The following OPCML variants were observed in gnomAD, a reference collection of about 807,000 sequenced individuals.
The protein encoded by OPCML is opioid-binding protein/cell adhesion molecule.
Under a neutral mutation model 37.8 loss-of-function variants are expected in OPCML, and 13 were observed. That is an observed-to-expected ratio of 0.34 (90% CI 0.22 to 0.55). OPCML has a LOEUF of 0.55. OPCML is among the 20% of genes least tolerant of loss of function. The pLI is 0.91. For synonymous variants in OPCML, 176 were observed against 168.8 expected, an observed-to-expected ratio of 1.04 and a Z score of -0.33; for missense variants, 341 against 435.6, an observed-to-expected ratio of 0.78 and a Z score of 1.93.
chr11:133,072,502 T>C (rs1424682664), intron 1 of OPCML, among the ~76,000 whole-genome samples: 3 of 152,354 alleles, frequency 2.0e-5, no homozygotes, highest in Admixed American at 6.5e-5. Flanking sequence ...GACTCATACA[T>C]GTGGGATAAC....
rs149843426 is a variant in OPCML at position 133,457,136 on chromosome 11, T to C, written c.61+75128A>G. On this transcript the variant is annotated intron_variant, in intron 1 of 7. Transcript: ENST00000524381. The stretch of plus-strand genomic sequence containing the variant: ...AGGAAAGTGACGTGTCATGTACAAG[T>C]GATCCAGGACAGACTATAAGTGGAT... Among the ~76,000 whole-genome samples, 362 of 152,314 alleles carry C rather than the reference T, an allele frequency of 2.4e-3. 2 individuals carry two copies. Among genetic ancestry groups the C allele is most frequent in the African/African-American group, 8.2e-3 (343 of 41,584 alleles).
intron 2 of OPCML, among the ~76,000 whole-genome samples, chr11:132,843,762 G>A (rs1394486820): frequency 1.3e-5 from 2 of 152,240 alleles, no homozygotes; most frequent in Non-Finnish European, 2.9e-5. Flanking sequence ...GCGAAGGACA[G>A]GCGAATGCTG....
At chr11:133,440,245 A>G (rs1396272347) in intron 1 of OPCML, among the ~76,000 whole-genome samples, 2 of 151,954 alleles carry the variant, frequency 1.3e-5, no homozygotes, top group East Asian at 3.9e-4. Context: ...TTAAAAATAC[A>G]AAAATTAACC....
chr11:132,956,179 C>T (rs979900104), intron 1 of OPCML, among the ~76,000 whole-genome samples: 1 of 152,074 alleles, frequency 6.6e-6, no homozygotes, highest in Non-Finnish European at 1.5e-5. Context: ...TAGAGTGATT[C>T]AGTTTGTTTT....
intron 3 of OPCML, among the ~76,000 whole-genome samples, chr11:132,554,054 C>T (rs1027914751): frequency 2.0e-5 from 3 of 152,166 alleles, no homozygotes; most frequent in Non-Finnish European, 4.4e-5. Context: ...AAATGCTCTG[C>T]CTGCCTGGAA....
intron 2 of OPCML, among the ~76,000 whole-genome samples, chr11:132,890,867 A>T (rs1021510863): frequency 6.7e-5 from 10 of 150,190 alleles, no homozygotes; most frequent in African/African-American, 2.4e-4. Flanking sequence ...AAAAAAAAAA[A>T]AAAAAAGAAA....
intron 1 of OPCML, among the ~76,000 whole-genome samples, chr11:133,322,873 C>T (rs539513534): frequency 5.9e-5 from 9 of 151,950 alleles, no homozygotes; most frequent in Admixed American, 1.3e-4. Flanking sequence ...GATATCTGCC[C>T]GACAAATATT....
chr11:133,112,524 A>G (rs979174374), intron 1 of OPCML, among the ~76,000 whole-genome samples: 1 of 152,214 alleles, frequency 6.6e-6, no homozygotes. Context: ...AATATTGTAG[A>G]CATGGGCAAA....
At chr11:133,062,658 C>T (rs188351367) in intron 1 of OPCML, among the ~76,000 whole-genome samples, 72 of 152,296 alleles carry the variant, frequency 4.7e-4, no homozygotes, top group African/African-American at 4.3e-4. Flanking sequence ...AATGCGTCAC[C>T]GCACCCAAGA....
At position 133,174,826 on chromosome 11, in the gene OPCML, A is replaced by G. The variant is rs963532760; in HGVS notation, c.62-231816T>C. Reference sequence around the variant, plus strand: ...TATACTTCGTGTGCACTAGAAAAAGAGTACTTTAAAATAACCTGTAATCCC... The same window carrying G: ...TATACTTCGTGTGCACTAGAAAAAGGGTACTTTAAAATAACCTGTAATCCC... On this transcript the variant is annotated intron_variant, in intron 1 of 7. Transcript: ENST00000524381. This position sits in a 1 kb window ranked among gnomAD's most constrained non-coding sequence, Gnocchi z 4.6. Among the ~76,000 whole-genome samples the G allele has an allele frequency of 6.6e-6, 1 of 152,198 alleles. No homozygotes were observed. The highest frequency in any genetic ancestry group is 1.5e-5 in the Non-Finnish European group (1 of 68,036).
At chr11:132,568,024 C>CTGTGTG (rs549824512) in intron 3 of OPCML, among the ~76,000 whole-genome samples, 7 of 147,878 alleles carry the variant, frequency 4.7e-5, no homozygotes, top group African/African-American at 1.5e-4. Flanking sequence ...CCGAATAGAT[C>CTGTGTG]TGTGTGTGTG....
chr11:133,363,685 T>A (rs542127358), intron 1 of OPCML, among the ~76,000 whole-genome samples: 2 of 152,308 alleles, frequency 1.3e-5, no homozygotes, highest in Non-Finnish European at 2.9e-5. Context: ...AAAGGAGGTA[T>A]GGCAGGGCCA....
chr11:133,165,958 G>A (rs1411948831), intron 1 of OPCML, among the ~76,000 whole-genome samples: 3 of 152,164 alleles, frequency 2.0e-5, no homozygotes, highest in Admixed American at 6.5e-5. Flanking sequence ...CGGATGCCTC[G>A]GTGATGAAGA....
chr11:132,441,173 T>TTTTTTTTTTTTTTTTTTTTG (rs1565564938), intron 4 of OPCML, among the ~76,000 whole-genome samples: 1 of 117,052 alleles, frequency 8.5e-6, no homozygotes, highest in Non-Finnish European at 1.8e-5. Context: ...TTGTTTTTTT[T>TTTTTTTTTTTTTTTTTTTTG]TTTTTTTTTT....
At chr11:132,673,614 G>A (rs1274292719) in intron 2 of OPCML, among the ~76,000 whole-genome samples, 1 of 151,984 alleles carries the variant, frequency 6.6e-6, no homozygotes, top group African/African-American at 2.4e-5. Flanking sequence ...TTTTGAAAGG[G>A]GTCATTGGCT....
intron 3 of OPCML, among the ~76,000 whole-genome samples, chr11:132,555,476 A>G (rs1274511812): frequency 6.6e-6 from 1 of 152,166 alleles, no homozygotes; most frequent in African/African-American, 2.4e-5. Context: ...CCATAATTCA[A>G]TTATCTCCCA....
chr11:132,864,099 G>A (rs1264750633), intron 2 of OPCML, among the ~76,000 whole-genome samples: 1 of 151,880 alleles, frequency 6.6e-6, no homozygotes, highest in African/African-American at 2.4e-5. Context: ...CACCAAGCCT[G>A]GCTAATTTTT....
intron 2 of OPCML, among the ~76,000 whole-genome samples, chr11:132,942,134 C>G (rs1364595802): frequency 6.6e-6 from 1 of 152,166 alleles, no homozygotes; most frequent in Non-Finnish European, 1.5e-5. Context: ...ATCTGCTGAG[C>G]TGGTGGAAAG....
intron 2 of OPCML, among the ~76,000 whole-genome samples, chr11:132,841,039 G>A (rs1833377057): frequency 6.6e-6 from 1 of 152,106 alleles, no homozygotes. Context: ...CGTTCAAGAG[G>A]GAAAAAGAAT....
Sources: gnomAD v4.1 joint callset for allele counts (sites outside exome capture counted in the v4.1 genomes callset) on GRCh38, gnomAD v4.1.1 for gene constraint, Gnocchi (gnomAD v3.1) non-coding constraint, MANE v1.5 for transcripts, NCBI Gene and HGNC (gene_info 2026-07-23, HGNC 2026-07-21) for gene names.